Variants in IFT74 observed in about 807,000 individuals in gnomAD.
IFT74 encodes intraflagellar transport 74.
Under a neutral mutation model 96.7 loss-of-function variants are expected in IFT74, and 92 were observed. The ratio of observed to expected loss-of-function variants is 0.95; its 90% CI spans 0.80 to 1.13. IFT74 has a LOEUF of 1.13. IFT74 is among the 50% of genes most tolerant of loss of function. IFT74 has a pLI of 0.00. For missense variants in IFT74, 811 were observed against 698.2 expected, an observed-to-expected ratio of 1.16 and a Z score of -1.82; for synonymous variants, 223 against 213.2, an observed-to-expected ratio of 1.05 and a Z score of -0.40.
At chr9:26,970,472 G>A (rs1826834544) in intron 2 of IFT74, among the ~76,000 whole-genome samples, 1 of 152,158 alleles carries the variant, frequency 6.6e-6, no homozygotes, top group Non-Finnish European at 1.5e-5. Flanking sequence ...ATGTGGCCAA[G>A]TGAATACATA....
chr9:27,036,553 A>G (rs1563993078), intron 13 of IFT74: 6 of 1,608,086 alleles, frequency 3.7e-6, no homozygotes, highest in Non-Finnish European at 4.2e-6. Flanking sequence ...ATCCATTTGA[A>G]CTGAAGAATA....
intron 1 of IFT74, among the ~76,000 whole-genome samples, chr9:26,948,448 A>ATTTTTTTTTGTTTTTTT (rs1825821600): frequency 1.7e-5 from 1 of 59,162 alleles, no homozygotes; most frequent in Non-Finnish European, 3.8e-5. Context: ...GCTTTCCATT[A>ATTTTTTTTTGTTTTTTT]TTTTTTTTTT....
chr9:27,000,814 A>T (rs556929350), intron 8 of IFT74, among the ~76,000 whole-genome samples: 2 of 152,324 alleles, frequency 1.3e-5, no homozygotes, highest in African/African-American at 4.8e-5. Context: ...TAACCTGCAC[A>T]TGTACCCCGG....
intron 12 of IFT74, among the ~76,000 whole-genome samples, chr9:27,022,007 A>G (rs12551108): frequency 0.2 from 30,250 of 152,186 alleles, 3,946 homozygotes; most frequent in Non-Finnish European, 0.27. Flanking sequence ...TGATTTTTGT[A>G]TAAGATGAGA....
intron 13 of IFT74, among the ~76,000 whole-genome samples, chr9:27,035,698 A>T (rs1405092466): frequency 6.6e-6 from 1 of 152,224 alleles, no homozygotes; most frequent in African/African-American, 2.4e-5. Flanking sequence ...TATATACAGT[A>T]CTCTGTTGGA....
chr9:26,964,717 ATAT>A (rs1826529222), intron 2 of IFT74, among the ~76,000 whole-genome samples: 1 of 152,142 alleles, frequency 6.6e-6, no homozygotes, highest in African/African-American at 2.4e-5. Flanking sequence ...GCTAGGGGTA[ATAT>A]TATAAAACTA....
rs1408652288 is a variant in IFT74, at chr9:27,056,453, T to C, written c.1617T>C (p.His539=). The part of the protein sequence containing the change: ...LKTQLQENET[H]SQLTNLERKW... Reference sequence around the variant, plus strand: ...CACAATTGCAAGAAAATGAGACACATTCTCAGGTAAAAAATGTTTTAAATG... The same window carrying C: ...CACAATTGCAAGAAAATGAGACACACTCTCAGGTAAAAAATGTTTTAAATG... Residue 539 remains histidine (H), a synonymous_variant, in exon 18 of 20, where the codon CAT becomes CAC. Coordinates refer to ENST00000380062, the MANE Select transcript of IFT74 (RefSeq NM_025103.4). The C allele has an allele frequency of 1.9e-6, 3 of 1,591,682 alleles. No homozygotes were observed. Among genetic ancestry groups the C allele is most frequent in the Non-Finnish European group, 2.6e-6 (3 of 1,171,670 alleles).
At chr9:27,047,573 G>C (rs918175243) in intron 15 of IFT74, among the ~76,000 whole-genome samples, 8 of 152,192 alleles carry the variant, frequency 5.3e-5, no homozygotes, top group Admixed American at 3.9e-4. Context: ...GGGCAATAGA[G>C]AAAAAGGATG....
At chr9:27,010,980 C>T (rs1254476485) in intron 9 of IFT74, among the ~76,000 whole-genome samples, 1 of 152,178 alleles carries the variant, frequency 6.6e-6, no homozygotes, top group Non-Finnish European at 1.5e-5. Context: ...CTTAGACATT[C>T]CTTTGCTGAC....
intron 8 of IFT74, chr9:26,994,185 C>T (rs558616308): frequency 6.6e-6 from 1 of 152,286 alleles, no homozygotes; most frequent in African/African-American, 2.4e-5. Flanking sequence ...ATTTTTAATA[C>T]TTTGCTCTTG....
chr9:27,004,487 T>C (rs979837462), intron 8 of IFT74, among the ~76,000 whole-genome samples: 6 of 152,232 alleles, frequency 3.9e-5, no homozygotes, highest in Non-Finnish European at 8.8e-5. Flanking sequence ...GAGGGGGTGA[T>C]GTCGATTATC....
intron 18 of IFT74, among the ~76,000 whole-genome samples, chr9:27,057,380 G>A (rs1199215884): frequency 2.0e-5 from 3 of 152,014 alleles, no homozygotes; most frequent in Non-Finnish European, 2.9e-5. Context: ...TTTATTCCTT[G>A]CCCTGTGGTA....
At chr9:27,015,885 C>T in intron 10 of IFT74, among the ~76,000 whole-genome samples, 1 of 152,248 alleles carries the variant, frequency 6.6e-6, no homozygotes, top group South Asian at 2.1e-4. Flanking sequence ...AACAGATGCT[C>T]AGTAAACAAG....
intron 16 of IFT74, among the ~76,000 whole-genome samples, chr9:27,054,859 T>G (rs1185985929): frequency 6.6e-6 from 1 of 152,180 alleles, no homozygotes; most frequent in African/African-American, 2.4e-5. Context: ...GATCATGCCA[T>G]TTAAAATGGC....
rs769547784 is a variant in IFT74, at chr9:27,065,251, T to C, written c.*2515T>C. 2.0e-5 allele frequency among the ~76,000 whole-genome samples: 3 copies of C among 152,194 alleles called. No homozygotes were observed. Among genetic ancestry groups the C allele is most frequent in the Non-Finnish European group, 4.4e-5 (3 of 68,024 alleles). On this transcript the variant is annotated 3_prime_UTR_variant, in exon 20 of 20. Transcript: ENST00000380062. ...AAAACATGTTTTATCTGAGGGAAAT[T>C]CTCACTAATGTCTCTCTTCCTTCCT...
rs147019396 is a variant in IFT74, at chr9:27,052,856, A to ATGT, written c.1334-2730_1334-2728dup. On this transcript the variant is annotated intron_variant, in intron 16 of 19. Coordinates refer to ENST00000380062, the MANE Select transcript of IFT74 (RefSeq NM_025103.4). Reference sequence around the variant, plus strand: ...AGATAGAATGGATTTAGTGTACTCCATGTTGTTGTTGTTGTTGTTGTTGTT... The same window carrying ATGT: ...AGATAGAATGGATTTAGTGTACTCCATGTTGTTGTTGTTGTTGTTGTTGTTGTT... 7.4e-3 allele frequency among the ~76,000 whole-genome samples: 1,127 copies of ATGT among 151,592 alleles called. 5 individuals are homozygous for ATGT. Among genetic ancestry groups the ATGT allele is most frequent in the African/African-American group, 0.024 (1,013 of 41,354 alleles).
At chr9:26,961,356 C>A (rs1038585118) in intron 1 of IFT74, among the ~76,000 whole-genome samples, 3 of 152,126 alleles carry the variant, frequency 2.0e-5, no homozygotes, top group Middle Eastern at 3.4e-3. Flanking sequence ...TCCCAAAGTG[C>A]TGGGGTTACA....
At chr9:26,967,466 A>G (rs191697152) in intron 2 of IFT74, among the ~76,000 whole-genome samples, 44 of 152,208 alleles carry the variant, frequency 2.9e-4, no homozygotes, top group South Asian at 4.1e-4. Flanking sequence ...TGAATTTACT[A>G]TTTATCAGTT....
In IFT74 at chr9:27,006,990, T is replaced by C. The variant is rs185257764; in HGVS notation, c.588-2030T>C. On this transcript the variant is annotated intron_variant, in intron 8 of 19. Transcript: ENST00000380062. ...TAGCTGGGACTACAGGCGCCCACCA[T>C]CACGCCCAGCTAATTTTTTTGTATT... Among the ~76,000 whole-genome samples the C allele has an allele frequency of 4.1e-3, 623 of 151,682 alleles. 4 individuals carry two copies. The highest frequency in any genetic ancestry group is 0.01 in the South Asian group (48 of 4,784).
Sources: gnomAD v4.1 joint callset for allele counts (sites outside exome capture counted in the v4.1 genomes callset) on GRCh38, gnomAD v4.1.1 for gene constraint, MANE v1.5 for transcripts, NCBI Gene and HGNC (gene_info 2026-07-23, HGNC 2026-07-21) for gene names.